HERC2: variants seen among roughly 807,000 people sequenced by gnomAD.
The protein encoded by HERC2 is E3 ubiquitin-protein ligase HERC2.
A neutral mutation model predicts 537.7 loss-of-function variants in HERC2; 102 were observed. That is an observed-to-expected ratio of 0.19 (90% CI 0.16 to 0.22). The LOEUF is 0.22. HERC2 is among the 10% of genes least tolerant of loss of function. HERC2 has a pLI of 1.00. For missense variants in HERC2, 4,236 were observed against 6,198.2 expected, an observed-to-expected ratio of 0.68 and a Z score of 10.63; for synonymous variants, 2,224 against 2,466.2, an observed-to-expected ratio of 0.90 and a Z score of 2.91.
At chr15:28,224,703 C>T (rs1236734057) in intron 35 of HERC2, among the ~76,000 whole-genome samples, 2 of 152,164 alleles carry the variant, frequency 1.3e-5, no homozygotes, top group Non-Finnish European at 2.9e-5. Flanking sequence ...GCAGAATACA[C>T]ATTCTTCTCA....
chr15:28,185,646 T>C (rs1479109090), intron 56 of HERC2, among the ~76,000 whole-genome samples: 2 of 152,232 alleles, frequency 1.3e-5, no homozygotes, highest in Non-Finnish European at 2.9e-5. Flanking sequence ...ACTTCGCAGA[T>C]ATCATTCTCC....
chr15:28,228,986 A>T (rs189491219), intron 34 of HERC2, among the ~76,000 whole-genome samples: 1 of 152,368 alleles, frequency 6.6e-6, no homozygotes, highest in East Asian at 1.9e-4. Flanking sequence ...TAAAAATGTT[A>T]TACTAGAGTA....
intron 7 of HERC2, 121 bp downstream of exon 7, chr15:28,274,170 C>G: frequency 2.2e-6 from 2 of 891,270 alleles, no homozygotes; most frequent in Non-Finnish European, 3.4e-6. Flanking sequence ...ACTGACAGCC[C>G]GCTGAAAACA....
In HERC2 at chr15:28,116,819, G is replaced by C. The variant is rs565002151; in HGVS notation, c.13455C>G (p.Ser4485=). ...VDDCGGGYSE[S]IAEICEELQN... ...GCAGCTCCTCACAGATCTCAGCTATGGACTCGCTGTAGCCGCCCCCACAGT... is the reference window on the plus strand; with the variant it reads ...GCAGCTCCTCACAGATCTCAGCTATCGACTCGCTGTAGCCGCCCCCACAGT... The change falls in exon 88 of 93, where the codon TCC becomes TCG. Residue 4485 remains serine (S), a synonymous_variant. Transcript: ENST00000261609. The C allele has an allele frequency of 6.2e-7, 1 of 1,613,750 alleles. No homozygotes were observed. The highest frequency in any genetic ancestry group is 1.3e-5 in the African/African-American group (1 of 75,048).
At chr15:28,287,780 G>A (rs1215172535) in intron 4 of HERC2, among the ~76,000 whole-genome samples, 1 of 146,416 alleles carries the variant, frequency 6.8e-6, no homozygotes, top group African/African-American at 2.5e-5. Flanking sequence ...GGCTAGAGTG[G>A]TGGTGCAATC....
intron 16 of HERC2, among the ~76,000 whole-genome samples, chr15:28,258,407 G>A (rs1156505230): frequency 6.6e-6 from 1 of 152,094 alleles, no homozygotes; most frequent in Non-Finnish European, 1.5e-5. Context: ...GGGAGACAGA[G>A]GTTGCCGTGA....
intron 86 of HERC2, among the ~76,000 whole-genome samples, chr15:28,120,048 A>G (rs1396208298): frequency 6.6e-6 from 1 of 152,190 alleles, no homozygotes; most frequent in African/African-American, 2.4e-5. Flanking sequence ...GGTGCACTCA[A>G]TCGCGGGGGT....
In HERC2 at chr15:28,113,791, C is replaced by T. The variant is rs1887918753; in HGVS notation, c.13914-113G>A. 3.8e-6 allele frequency: 3 copies of T among 795,802 alleles called. No individual in the cohort carries two copies. The highest frequency in any genetic ancestry group is 4.2e-6 in the Non-Finnish European group (2 of 472,326). 49.3% of individuals were successfully genotyped at this position (795,802 alleles called of 1,614,324 possible). The stretch of plus-strand genomic sequence containing the variant: ...GCCGCACACGTCCCAGCTGGGAGAA[C>T]AGAGGGAGCAGCTCCAGATGGCATG... On this transcript the variant is annotated intron_variant, in intron 90 of 92. Transcript: ENST00000261609. The surrounding 1 kb of genome is among the most constrained non-coding windows in gnomAD (Gnocchi z 7.0).
chr15:28,219,632 G>C (rs1055019230), intron 37 of HERC2, among the ~76,000 whole-genome samples: 14 of 152,176 alleles, frequency 9.2e-5, no homozygotes, highest in Non-Finnish European at 2.9e-5. Flanking sequence ...CCCGAGCCCA[G>C]ACGGTGCGCT....
At chr15:28,248,498 A>C (rs879331306) in intron 21 of HERC2, 54 bp downstream of exon 21, 10 of 1,412,332 alleles carry the variant, frequency 7.1e-6, no homozygotes, top group Non-Finnish European at 9.9e-6. Flanking sequence ...CGAAAAGCCT[A>C]AAGTAACGAG....
chr15:28,321,000 T>C (rs1405337816), intron 2 of HERC2, among the ~76,000 whole-genome samples: 5 of 151,736 alleles, frequency 3.3e-5, no homozygotes, highest in Non-Finnish European at 7.4e-5. Flanking sequence ...ACTTCTCCAA[T>C]TTTCCCCTCC....
chr15:28,148,963 T>C (rs575524373), intron 70 of HERC2, among the ~76,000 whole-genome samples: 1 of 144,390 alleles, frequency 6.9e-6, no homozygotes, highest in South Asian at 2.2e-4. Flanking sequence ...CCAACATACA[T>C]TCTAGTAAAA....
At chr15:28,314,404 C>G (rs1057465788) in intron 2 of HERC2, among the ~76,000 whole-genome samples, 1 of 152,170 alleles carries the variant, frequency 6.6e-6, no homozygotes, top group East Asian at 1.9e-4. Flanking sequence ...ATCAATGAAG[C>G]AACGGTATGC....
chr15:28,241,405 A>G (rs1393933342), intron 23 of HERC2, among the ~76,000 whole-genome samples: 3 of 152,290 alleles, frequency 2.0e-5, no homozygotes, highest in African/African-American at 4.8e-5. Context: ...ACTCCTGCAC[A>G]CTACTGACAG....
chr15:28,272,119 G>A, intron 9 of HERC2, 96 bp downstream of exon 9: 1 of 1,151,438 alleles, frequency 8.7e-7, no homozygotes, highest in Non-Finnish European at 1.2e-6. Flanking sequence ...ACACACGCCA[G>A]AGAAAAACAC....
At chr15:28,320,052 G>A (rs1439826598) in intron 2 of HERC2, 1 of 151,370 alleles carries the variant, frequency 6.6e-6, no homozygotes, top group Non-Finnish European at 1.5e-5. Context: ...ACCAATTCTT[G>A]ACCCAATTCT....
At chr15:28,223,745 A>G (rs1324323722) in intron 35 of HERC2, among the ~76,000 whole-genome samples, 1 of 152,204 alleles carries the variant, frequency 6.6e-6, no homozygotes, top group African/African-American at 2.4e-5. Flanking sequence ...TTATATGCTT[A>G]TGATTTCTTA....
rs1435614679 is a variant in HERC2 at position 28,268,860 on chromosome 15, A to G, written c.1447-244T>C. ...TGCAGGGGCAGGGCAGGCTAGCCCC[A>G]TGCCACAGAGACACGCAGCCGACAG... On this transcript the variant is annotated intron_variant, in intron 11 of 92. Coordinates refer to ENST00000261609, the MANE Select transcript of HERC2 (RefSeq NM_004667.6). This position sits in a 1 kb window ranked among gnomAD's most constrained non-coding sequence, Gnocchi z 4.7. Among the ~76,000 whole-genome samples the G allele has an allele frequency of 2.0e-5, 3 of 152,148 alleles. No homozygotes were observed. Among genetic ancestry groups the G allele is most frequent in the African/African-American group, 4.8e-5 (2 of 41,442 alleles).
In HERC2 at chr15:28,254,440, T is replaced by G; in HGVS notation, c.2950A>C (p.Ser984Arg). 6.2e-7 allele frequency: 1 copy of G among 1,608,100 alleles called. No individual in the cohort carries two copies. Among genetic ancestry groups the G allele is most frequent in the East Asian group, 2.2e-5 (1 of 44,814 alleles). ...AGGTCTTTATCCAGTGGAGTCCTGC[T>G]TCTATGAAATGTTGAGGCATTCGCT... is the stretch of plus-strand genomic sequence containing the variant. ...QEANASTFHR[S>R]RTPLDKDLIN... Residue 984 changes from serine to arginine, a missense_variant, in exon 20 of 93, where the codon AGC becomes CGC. Physicochemically the swap from Ser to Arg is moderately radical, Grantham distance 110. Transcript: ENST00000261609.
Sources: allele counts gnomAD v4.1 joint callset (sites outside exome capture counted in the v4.1 genomes callset), GRCh38; gene constraint gnomAD v4.1.1; non-coding constraint Gnocchi (gnomAD v3.1); transcripts MANE v1.5; gene names NCBI Gene and HGNC (gene_info 2026-07-23, HGNC 2026-07-21).